Variants in LAMC1 observed in about 807,000 individuals in gnomAD.
LAMC1 encodes the protein laminin subunit gamma 1.
A neutral mutation model predicts 173.6 loss-of-function variants in LAMC1; 38 were observed. The observed-to-expected ratio is 0.22, with a 90% CI of 0.17 to 0.29. LAMC1 has a LOEUF of 0.29. Among genes scored for constraint, LAMC1 ranks in the 10% least tolerant of loss-of-function variants. LAMC1 has a pLI of 1.00. For missense variants in LAMC1, 1,824 were observed against 2,051.8 expected (o/e 0.89, Z 2.14); for synonymous variants, 746 against 749.1 (o/e 1.00, Z 0.07).
At position 183,034,895 on chromosome 1, in the gene LAMC1, T is replaced by C. The variant is rs564531340; in HGVS notation, c.418+10761T>C. Among the ~76,000 whole-genome samples, 4 of 152,330 alleles carry C rather than the reference T, an allele frequency of 2.6e-5. No individual in the cohort carries two copies. In the South Asian group the frequency reaches 6.2e-4, roughly 24 times the overall value. On this transcript the variant is annotated intron_variant, in intron 1 of 27. Transcript: ENST00000258341. The stretch of plus-strand genomic sequence containing the variant: ...CTTTGAATTCTTCAGTCTTGAGAAC[T>C]ATTGTTAGCCCCGGGGAAGAATAAT...
intron 21 of LAMC1, 40 bp from the exon 22 acceptor site, chr1:183,133,366 C>T: frequency 6.4e-7 from 1 of 1,567,244 alleles, no homozygotes; most frequent in Non-Finnish European, 8.7e-7. Flanking sequence ...ATGCTAAAAG[C>T]AGCTAAGATT....
chr1:183,133,776 T>A (rs149825195), intron 22 of LAMC1, among the ~76,000 whole-genome samples: 3,734 of 151,688 alleles, frequency 0.025, 154 homozygotes, highest in African/African-American at 0.084. Context: ...AGGCCAGGAG[T>A]TCAAGACCAG....
intron 1 of LAMC1, among the ~76,000 whole-genome samples, chr1:183,030,453 T>A (rs182007536): frequency 6.6e-6 from 1 of 152,246 alleles, no homozygotes; most frequent in Admixed American, 6.5e-5. Flanking sequence ...GTACAGTGAG[T>A]GAATAAATGA....
At chr1:183,102,191 C>T (rs1006631174) in intron 1 of LAMC1, among the ~76,000 whole-genome samples, 17 of 152,116 alleles carry the variant, frequency 1.1e-4, no homozygotes, top group Non-Finnish European at 1.6e-4. Context: ...CTAGTGGGTA[C>T]GAGGAAGTGA....
chr1:183,121,832 T>C lies in LAMC1; in HGVS notation c.2100T>C (p.Phe700=). Residue 700 remains phenylalanine, a synonymous_variant, in exon 12 of 28, where the codon TTT becomes TTC. Coordinates refer to ENST00000258341, the MANE Select transcript of LAMC1 (RefSeq NM_002293.4). The part of the protein sequence containing the change: ...CTCPVGYGGQ[F]CEMCLSGYRR... ...GTCCTGTGGGATATGGAGGGCAGTTTTGTGAGATGTGCCTCTCAGGTTACA... is the reference window on the plus strand; with the variant it reads ...GTCCTGTGGGATATGGAGGGCAGTTCTGTGAGATGTGCCTCTCAGGTTACA... The C allele has an allele frequency of 6.2e-7, 1 of 1,614,136 alleles. No homozygotes were observed. Among genetic ancestry groups the C allele is most frequent in the Non-Finnish European group, 8.5e-7 (1 of 1,180,004 alleles).
At chr1:183,111,097 C>G (rs964551705) in intron 4 of LAMC1, among the ~76,000 whole-genome samples, 1 of 144,820 alleles carries the variant, frequency 6.9e-6, no homozygotes, top group African/African-American at 2.5e-5. Context: ...TTTTTCTTTT[C>G]TTTTTTTTTT....
At chr1:183,066,508 AC>A (rs942096295) in intron 1 of LAMC1, among the ~76,000 whole-genome samples, 4 of 152,252 alleles carry the variant, frequency 2.6e-5, no homozygotes, top group African/African-American at 9.6e-5. Context: ...ATGCACACAT[AC>A]GTTTATTGCA....
intron 1 of LAMC1, among the ~76,000 whole-genome samples, chr1:183,091,959 T>G (rs112119003): frequency 0.021 from 3,172 of 152,214 alleles, 60 homozygotes; most frequent in South Asian, 0.079. Flanking sequence ...AAAAATCAAG[T>G]GTGTATTTCT....
At chr1:183,103,661 A>G (rs777533927) in intron 2 of LAMC1, 29 bp downstream of exon 2, 2 of 1,517,772 alleles carry the variant, frequency 1.3e-6, no homozygotes, top group Non-Finnish European at 1.8e-6. Flanking sequence ...GCCTGAAGCC[A>G]GCTAGTTCTA....
At position 183,131,310 on chromosome 1, in the gene LAMC1, G is replaced by A. The variant is rs756520213; in HGVS notation, c.3498G>A (p.Gln1166=). The A allele has an allele frequency of 3.5e-5, 56 of 1,613,234 alleles. No homozygotes were observed. The highest frequency in any genetic ancestry group is 5.3e-5 in the African/African-American group (4 of 74,828). Residue 1166 remains glutamine, a synonymous_variant, in exon 20 of 28, where the codon CAG becomes CAA. Transcript: ENST00000258341. ...TATTTCCTGTGCAGTCAGTCACTCA[G>A]CCAGAATCTACAGGGGACCCAAACA... The part of the protein sequence containing the change: ...KVAAANVSVT[Q]PESTGDPNNM...
At chr1:183,133,933 A>G (rs899402137) in intron 22 of LAMC1, among the ~76,000 whole-genome samples, 2 of 152,222 alleles carry the variant, frequency 1.3e-5, no homozygotes, top group Admixed American at 6.5e-5. Flanking sequence ...TGCAAATCCA[A>G]ATTATAATAA....
chr1:183,053,797 T>C (rs1309312262), intron 1 of LAMC1, among the ~76,000 whole-genome samples: 2 of 152,144 alleles, frequency 1.3e-5, no homozygotes, highest in East Asian at 3.9e-4. Flanking sequence ...GGCTAATTTT[T>C]TGTATTTTAG....
chr1:183,090,826 G>T (rs1047055410), intron 1 of LAMC1, among the ~76,000 whole-genome samples: 1 of 152,040 alleles, frequency 6.6e-6, no homozygotes, highest in Non-Finnish European at 1.5e-5. Flanking sequence ...GGGAGGGTGG[G>T]TATAGGAGGG....
At chr1:183,059,426 C>T (rs1654685302) in intron 1 of LAMC1, among the ~76,000 whole-genome samples, 1 of 152,102 alleles carries the variant, frequency 6.6e-6, no homozygotes, top group African/African-American at 2.4e-5. Context: ...AAGGCTGAGG[C>T]AGGAGAATTG....
chr1:183,134,529 A>G (rs1656884279), intron 22 of LAMC1, 131 bp from the exon 23 acceptor site: 3 of 650,892 alleles, frequency 4.6e-6, no homozygotes, highest in South Asian at 6.4e-5. Context: ...AAAAAAGTCC[A>G]TAAAATCTTG....
At chr1:183,091,689 G>A (rs1655571366) in intron 1 of LAMC1, among the ~76,000 whole-genome samples, 1 of 152,072 alleles carries the variant, frequency 6.6e-6, no homozygotes, top group South Asian at 2.1e-4. Flanking sequence ...ACACAGACTG[G>A]GATTAAACAA....
In LAMC1 at chr1:183,111,379, G is replaced by A. The variant is rs560419766; in HGVS notation, c.1021+725G>A. On this transcript the variant is annotated intron_variant, in intron 4 of 27. Coordinates refer to ENST00000258341, the MANE Select transcript of LAMC1 (RefSeq NM_002293.4). ...TGGGATTACAGGTGGGAGCCACTGC[G>A]CCTGGCCGCACAAGATTTTTTCTCA... Among the ~76,000 whole-genome samples, 119 of 152,146 alleles carry A rather than the reference G, an allele frequency of 7.8e-4. No individual in the cohort carries two copies. In the South Asian group the frequency reaches 0.011, roughly 14 times the overall value.
chr1:183,055,249 G>A (rs1654555239), intron 1 of LAMC1, among the ~76,000 whole-genome samples: 2 of 151,152 alleles, frequency 1.3e-5, no homozygotes, highest in Non-Finnish European at 3.0e-5. Context: ...CTTGGCCTCC[G>A]GAAGTGCTGG....
intron 2 of LAMC1, among the ~76,000 whole-genome samples, chr1:183,107,686 T>C (rs981778518): frequency 3.3e-5 from 5 of 151,820 alleles, no homozygotes; most frequent in Admixed American, 6.6e-5. Flanking sequence ...AAAAATTAGC[T>C]GGGCGTGGTG....
Sources: gnomAD v4.1 joint callset for allele counts (sites outside exome capture counted in the v4.1 genomes callset) on GRCh38, gnomAD v4.1.1 for gene constraint, MANE v1.5 for transcripts, NCBI Gene and HGNC (gene_info 2026-07-23, HGNC 2026-07-21) for gene names.